The following HAO2 variants were observed in gnomAD, a reference collection of about 807,000 sequenced individuals.
The protein encoded by HAO2 is 2-Hydroxyacid oxidase 2.
HAO2 carries 42 observed loss-of-function variants against 37.4 expected under a neutral mutation model. The observed-to-expected ratio is 1.12, with a 90% CI of 0.88 to 1.45. The LOEUF (loss-of-function observed/expected upper bound fraction) is 1.45. Among genes scored for constraint, HAO2 ranks in the 40% most tolerant of loss-of-function variants. HAO2 has a pLI of 0.00. For synonymous variants in HAO2, 180 were observed against 162.8 expected, an observed-to-expected ratio of 1.11 and a Z score of -0.81; for missense variants, 476 against 430.2, an observed-to-expected ratio of 1.11 and a Z score of -0.94.
intron 4 of HAO2, chr1:119,385,600 T>C: frequency 5.5e-5 from 54 of 984,930 alleles, no homozygotes; most frequent in Non-Finnish European, 6.5e-5. Flanking sequence ...ATAGCACATT[T>C]GTTTGTAATC....
At chr1:119,386,856 G>A (rs767055585) in intron 5 of HAO2, 25 bp downstream of exon 5, 9 of 1,472,740 alleles carry the variant, frequency 6.1e-6, no homozygotes, top group Non-Finnish European at 8.6e-6. Context: ...TTCAGAGAAG[G>A]GTGTGTTTGT....
At chr1:119,382,835 CA>C (rs1292225949) in intron 2 of HAO2, 79 bp from the exon 3 acceptor site, 7 of 1,334,990 alleles carry the variant, frequency 5.2e-6, no homozygotes, top group African/African-American at 2.9e-5. Context: ...TATCAGGAAT[CA>C]GGGGGGTCCA....
rs748238666 is a variant in HAO2, at chr1:119,392,193, T to C, written c.855T>C (p.Asp285=). 10 of 1,613,260 alleles carry C rather than the reference T, an allele frequency of 6.2e-6. No individual in the cohort carries two copies. The Admixed American group carries it at 1.3e-4, about 22-fold the overall frequency. Residue 285 remains aspartate, a synonymous_variant, in exon 6 of 8, where the codon GAT becomes GAC. Coordinates refer to ENST00000325945, the MANE Select transcript of HAO2 (RefSeq NM_016527.4). ...YLDGGVRTGN[D]VLKALALGAK... ...ATGGCGGGGTCCGAACTGGCAATGA[T>C]GTGCTGAAGGCTCTGGCCCTTGGAG...
In HAO2 at chr1:119,382,946, G is replaced by A. The variant is rs1004072739; in HGVS notation, c.163G>A (p.Val55Met). The A allele has an allele frequency of 2.5e-6, 4 of 1,613,462 alleles. No homozygotes were observed. Among genetic ancestry groups the A allele is most frequent in the Non-Finnish European group, 3.4e-6 (4 of 1,179,450 alleles). The change falls in exon 3 of 8, where the codon GTG (valine) becomes ATG (methionine). Residue 55 changes from valine to methionine, a missense_variant. Val to Met is a conservative substitution (Grantham distance 21). Transcript: ENST00000325945. ...CCTCCGTCCGCGGTACCTGAGAGAT[G>A]TGTCTGAGGTGGACACCAGAACCAC... ...IRLRPRYLRDVSEVDTRTTIQ... is the reference protein window; with the variant it reads ...IRLRPRYLRDMSEVDTRTTIQ...
intron 4 of HAO2, 127 bp downstream of exon 4, chr1:119,385,180 C>A (rs587755546): frequency 2.1e-6 from 3 of 1,426,088 alleles, no homozygotes; most frequent in Admixed American, 2.7e-5. Context: ...CCAGACACTG[C>A]GGATAAAGCA....
At chr1:119,380,622 G>C in intron 1 of HAO2, 1 of 1,079,892 alleles carries the variant, frequency 9.3e-7, no homozygotes, top group Non-Finnish European at 1.4e-6. Context: ...GGAATGCCAT[G>C]ACGTGGGCAC....
chr1:119,374,039 C>T (rs1037848254), intron 1 of HAO2, among the ~76,000 whole-genome samples: 1 of 152,180 alleles, frequency 6.6e-6, no homozygotes, highest in Non-Finnish European at 1.5e-5. Flanking sequence ...TTTCCCCTCA[C>T]TCCCATACAA....
In HAO2 at chr1:119,382,552, T is replaced by C. The variant is rs147034518; in HGVS notation, c.132-363T>C. On this transcript the variant is annotated intron_variant, in intron 2 of 7. Transcript: ENST00000325945. The stretch of plus-strand genomic sequence containing the variant: ...GAACCTCTTCCTACCTATTCTTTTC[T>C]TTTTAGTCCTTGTTATGATGAACCA... Among the ~76,000 whole-genome samples, 90 of 152,298 alleles carry C rather than the reference T, an allele frequency of 5.9e-4. 2 individuals are homozygous for C. In the East Asian group the frequency reaches 0.016, roughly 27 times the overall value.
rs587598926 is a variant in HAO2 at position 119,377,595 on chromosome 1, A to T, written c.-8-3483A>T. 2.3e-4 allele frequency among the ~76,000 whole-genome samples: 35 copies of T among 152,314 alleles called. No individual in the cohort carries two copies. In the Middle Eastern group the frequency reaches 0.014, roughly 59 times the overall value. On this transcript the variant is annotated intron_variant, in intron 1 of 7. Transcript: ENST00000325945. ...CAATTTACTGTATTAGTCCATTTTC[A>T]TACTGTAAAAGAAATACTTCAGACT...
intron 1 of HAO2, 49 bp downstream of exon 1, chr1:119,368,951 A>T (rs1648729373): frequency 6.6e-6 from 1 of 152,250 alleles, no homozygotes; most frequent in Admixed American, 6.5e-5. Context: ...AAGGGTGATG[A>T]AGTGCCAGAT....
intron 1 of HAO2, among the ~76,000 whole-genome samples, chr1:119,374,837 C>T (rs1362819594): frequency 2.0e-5 from 3 of 152,226 alleles, no homozygotes; most frequent in African/African-American, 4.8e-5. Flanking sequence ...AAGAAAACCA[C>T]GTCTTCCTTG....
In HAO2 at chr1:119,381,078, G is replaced by A. The variant is rs929128994; in HGVS notation, c.-8G>A. 6.2e-7 allele frequency: 1 copy of A among 1,613,346 alleles called. No homozygotes were observed. Among genetic ancestry groups the A allele is most frequent in the Non-Finnish European group, 8.5e-7 (1 of 1,179,328 alleles). On this transcript the variant is annotated splice_region_variant and 5_prime_UTR_variant, in exon 2 of 8. Coordinates refer to ENST00000325945, the MANE Select transcript of HAO2 (RefSeq NM_016527.4). ...TTTGGTTTTGTTTTCTCCTTGGAAGGTCCAGAAATGTCCTTGGTGTGTTTG... is the reference window on the plus strand; with the variant it reads ...TTTGGTTTTGTTTTCTCCTTGGAAGATCCAGAAATGTCCTTGGTGTGTTTG...
At chr1:119,373,607 T>C (rs587737286) in intron 1 of HAO2, among the ~76,000 whole-genome samples, 19 of 152,238 alleles carry the variant, frequency 1.2e-4, no homozygotes, top group African/African-American at 3.9e-4. Flanking sequence ...AGAGTGAGCA[T>C]GTCCTTAACA....
chr1:119,377,934 G>A (rs1649609856), intron 1 of HAO2, among the ~76,000 whole-genome samples: 1 of 152,172 alleles, frequency 6.6e-6, no homozygotes, highest in Non-Finnish European at 1.5e-5. Context: ...GGGTGTGGTG[G>A]CACATGCCTG....
intron 3 of HAO2, among the ~76,000 whole-genome samples, chr1:119,383,694 G>A (rs961350422): frequency 1.3e-5 from 2 of 150,648 alleles, no homozygotes; most frequent in Admixed American, 6.6e-5. Flanking sequence ...AAATAGAAAA[G>A]GAGAGATGGG....
chr1:119,372,514 G>C (rs1438383198), intron 1 of HAO2, among the ~76,000 whole-genome samples: 2 of 152,248 alleles, frequency 1.3e-5, no homozygotes, highest in African/African-American at 2.4e-5. Context: ...GCGTGAGAAA[G>C]ATTTCCCTGA....
chr1:119,393,620 C>T (rs1028395277), intron 7 of HAO2, among the ~76,000 whole-genome samples, 165 bp from the exon 8 acceptor site: 7 of 152,100 alleles, frequency 4.6e-5, no homozygotes, highest in African/African-American at 1.4e-4. Context: ...CAGAATAATA[C>T]CCAATGCAAA....
Position 119,393,788 on chromosome 1 carries a change from G to A in HAO2, c.1004G>A (p.Cys335Tyr), listed in dbSNP as rs1480569887. 1.2e-6 allele frequency: 2 copies of A among 1,613,196 alleles called. No homozygotes were observed. The highest frequency in any genetic ancestry group is 1.7e-5 in the Admixed American group (1 of 59,978). The change falls in exon 8 of 8, where the codon TGC becomes TAC. Residue 335 changes from cysteine to tyrosine, a missense_variant. Cys to Tyr is a radical substitution (Grantham distance 194). Coordinates refer to ENST00000325945, the MANE Select transcript of HAO2 (RefSeq NM_016527.4). ...TGTAACCACATTGTTCTTTTAGGCT[G>A]CCGGTCGGTCGCTGAGATCAATCGA... ...EFHTSMALTG[C>Y]RSVAEINRNL... is the part of the protein sequence containing the mutation.
Position 119,384,899 on chromosome 1 carries a change from A to C in HAO2, c.407A>C (p.Gln136Pro), listed in dbSNP as rs889573604. Reference protein sequence around the residue: ...WFQLYVHPDLQLNKQLIQRVE... With the variant: ...WFQLYVHPDLPLNKQLIQRVE... ...CAACTCTATGTGCATCCAGACCTGCAGCTGAACAAACAGTTGATCCAGAGG... is the reference window on the plus strand; with the variant it reads ...CAACTCTATGTGCATCCAGACCTGCCGCTGAACAAACAGTTGATCCAGAGG... Residue 136 changes from glutamine to proline, a missense_variant, in exon 4 of 8, where the codon CAG becomes CCG. Gln to Pro is a moderately conservative substitution (Grantham distance 76, BLOSUM62 -1). Coordinates refer to ENST00000325945, the MANE Select transcript of HAO2 (RefSeq NM_016527.4). The C allele has an allele frequency of 1.2e-6, 2 of 1,614,046 alleles. No homozygotes were observed. The highest frequency in any genetic ancestry group is 2.7e-5 in the African/African-American group (2 of 75,060).
Sources: gnomAD v4.1 joint callset for allele counts (sites outside exome capture counted in the v4.1 genomes callset) on GRCh38, gnomAD v4.1.1 for gene constraint, MANE v1.5 for transcripts, NCBI Gene and HGNC (gene_info 2026-07-23, HGNC 2026-07-21) for gene names.